The following ANKRD11 variants were observed in gnomAD, a reference collection of about 807,000 sequenced individuals.
The protein encoded by ANKRD11 is ankyrin repeat domain-containing protein 11.
A neutral mutation model predicts 195.7 loss-of-function variants in ANKRD11; 17 were observed. The observed-to-expected ratio is 0.09, with a 90% confidence interval of 0.06 to 0.13. The LOEUF (loss-of-function observed/expected upper bound fraction) is 0.13. Among genes scored for constraint, ANKRD11 ranks in the 10% least tolerant of loss-of-function variants. ANKRD11 has a pLI of 1.00. For missense variants in ANKRD11, 3,735 were observed against 3,566.1 expected, an observed-to-expected ratio of 1.05 and a Z score of -1.21; for synonymous variants, 1,953 against 1,528.1, an observed-to-expected ratio of 1.28 and a Z score of -6.49.
chr16:89,307,670 C>T (rs957327646), intron 3 of ANKRD11, among the ~76,000 whole-genome samples: 1 of 152,230 alleles, frequency 6.6e-6, no homozygotes, highest in African/African-American at 2.4e-5. Context: ...GCAGCTCCCC[C>T]GCCGCCTGGC....
intron 2 of ANKRD11, among the ~76,000 whole-genome samples, chr16:89,326,159 T>C (rs1421660147): frequency 2.6e-5 from 4 of 152,180 alleles, no homozygotes; most frequent in African/African-American, 9.7e-5. Flanking sequence ...AAAGGTACAA[T>C]TGCACAGCTA....
rs143240956 is a variant in ANKRD11, at chr16:89,282,717, G to T, written c.3825C>A (p.Asp1275Glu). 3.7e-6 allele frequency: 6 copies of T among 1,613,906 alleles called. No homozygotes were observed. The highest frequency in any genetic ancestry group is 3.3e-5 in the South Asian group (3 of 91,080). ...SKERKSSRSA[D>E]AEKSLLEKLE... ...ACTTTTCAAGCAGGCTTTTTTCCGC[G>T]TCGGCACTTCTCGAGGACTTCCTCT... Residue 1275 changes from aspartate to glutamate, a missense_variant, in exon 9 of 13, where the codon GAC becomes GAA. Coordinates refer to ENST00000301030, the MANE Select transcript of ANKRD11 (RefSeq NM_013275.6).
chr16:89,422,556 G>A (rs531867957), intron 1 of ANKRD11, among the ~76,000 whole-genome samples: 8 of 152,246 alleles, frequency 5.3e-5, no homozygotes, highest in Non-Finnish European at 1.0e-4. Context: ...GTAATAACAC[G>A]ATATTCGCGC....
At chr16:89,273,133 T>C (rs1567541357) in intron 11 of ANKRD11, 1 of 152,094 alleles carries the variant, frequency 6.6e-6, no homozygotes, top group Non-Finnish European at 1.5e-5. Flanking sequence ...AACTGCATTG[T>C]GTATTTTAAA....
Position 89,317,094 on chromosome 16 carries a change from C to T in ANKRD11, c.-59-16G>A, listed in dbSNP as rs1336578019. 3 of 1,472,436 alleles carry T rather than the reference C, an allele frequency of 2.0e-6. No homozygotes were observed. Among genetic ancestry groups the T allele is most frequent in the Admixed American group, 1.9e-5 (1 of 52,312 alleles). The allele number at this position is 1,472,436 out of a possible 1,614,324, so 91.2% of individuals were successfully genotyped here. ...CAACCGTCTGCTTCAAAAGAGAAGA[C>T]ACACAATTCACTGAATTCAGAGGCA... is the stretch of plus-strand genomic sequence containing the variant. On this transcript the variant is annotated splice_polypyrimidine_tract_variant and intron_variant, in intron 2 of 12. Transcript: ENST00000301030.
chr16:89,388,292 G>GTTTTTT (rs1567734637), intron 2 of ANKRD11, among the ~76,000 whole-genome samples: 1 of 61,050 alleles, frequency 1.6e-5, no homozygotes, highest in African/African-American at 5.0e-5. Context: ...CCATGAGGCT[G>GTTTTTT]ATTTTTTTTT....
At chr16:89,466,440 T>C (rs74037203) in intron 1 of ANKRD11, among the ~76,000 whole-genome samples, 4,106 of 152,180 alleles carry the variant, frequency 0.027, 187 homozygotes, top group African/African-American at 0.092. Context: ...ATAATGAATA[T>C]ACTAAAAATC....
chr16:89,338,103 G>A (rs1280003730), intron 2 of ANKRD11, among the ~76,000 whole-genome samples: 1 of 152,134 alleles, frequency 6.6e-6, no homozygotes, highest in Non-Finnish European at 1.5e-5. Flanking sequence ...CCCCACTATG[G>A]CCATCCCAGG....
intron 1 of ANKRD11, among the ~76,000 whole-genome samples, chr16:89,460,170 C>T (rs1044149597): frequency 6.6e-6 from 1 of 150,688 alleles, no homozygotes; most frequent in Non-Finnish European, 1.5e-5. Context: ...CCTGGGAGGC[C>T]GAGATTGCAG....
At chr16:89,322,805 C>A (rs1215224346) in intron 2 of ANKRD11, among the ~76,000 whole-genome samples, 1 of 152,266 alleles carries the variant, frequency 6.6e-6, no homozygotes. Context: ...CTGCAGCACA[C>A]GGCCATGCTC....
intron 2 of ANKRD11, among the ~76,000 whole-genome samples, chr16:89,381,390 G>A (rs1449972909): frequency 1.4e-5 from 2 of 143,178 alleles, no homozygotes. Context: ...CAGACTATTA[G>A]AAGCAAGACA....
intron 2 of ANKRD11, among the ~76,000 whole-genome samples, chr16:89,370,511 G>A (rs2040146689): frequency 6.6e-6 from 1 of 152,194 alleles, no homozygotes; most frequent in Non-Finnish European, 1.5e-5. Context: ...ACCAAGCAAA[G>A]AGAAGACCAG....
chr16:89,296,617 T>G (rs931642398), intron 4 of ANKRD11, among the ~76,000 whole-genome samples: 7 of 152,270 alleles, frequency 4.6e-5, no homozygotes, highest in African/African-American at 1.4e-4. Context: ...TGATGAATAC[T>G]GTGCATTTAA....
At chr16:89,289,324 G>C (rs2034872005) in intron 6 of ANKRD11, among the ~76,000 whole-genome samples, 1 of 152,194 alleles carries the variant, frequency 6.6e-6, no homozygotes, top group African/African-American at 2.4e-5. Flanking sequence ...GGGTCAGACA[G>C]CTATAAACCA....
rs1373098566 is a variant in ANKRD11, at chr16:89,282,026, C to T, written c.4516G>A (p.Asp1506Asn). Residue 1506 changes from aspartate (D) to asparagine (N), a missense_variant, in exon 9 of 13, where the codon GAC becomes AAC. Transcript: ENST00000301030. ...HRDEQKPATR[D>N]KDSPPRVLKD... ...AGCACGCGGGGCGGGCTGTCCTTGT[C>T]CCTGGTGGCGGGCTTCTGCTCGTCC... The T allele has an allele frequency of 6.2e-7, 1 of 1,613,592 alleles. No individual in the cohort carries two copies. Among genetic ancestry groups the T allele is most frequent in the South Asian group, 1.1e-5 (1 of 91,076 alleles).
chr16:89,275,863 C>A (rs1009229058), intron 9 of ANKRD11, among the ~76,000 whole-genome samples: 2 of 152,190 alleles, frequency 1.3e-5, no homozygotes, highest in African/African-American at 4.8e-5. Flanking sequence ...GATGAGGCCT[C>A]ACACTCTTGG....
intron 1 of ANKRD11, among the ~76,000 whole-genome samples, chr16:89,436,037 C>G (rs1231070438): frequency 2.6e-5 from 4 of 152,194 alleles, no homozygotes; most frequent in African/African-American, 9.7e-5. Context: ...GTCACACATT[C>G]TTCCAACAAT....
intron 7 of ANKRD11, chr16:89,286,560 G>C (rs2034661752): frequency 3.9e-6 from 3 of 777,900 alleles, no homozygotes; most frequent in Admixed American, 3.6e-5. Flanking sequence ...CTCCTCAGCA[G>C]AGTGGTGCCG....
At chr16:89,298,718 A>C (rs1028521139) in intron 4 of ANKRD11, 2 of 152,200 alleles carry the variant, frequency 1.3e-5, no homozygotes, top group African/African-American at 4.8e-5. Context: ...GTGTCAGGGA[A>C]GCCTTTGCTG....
Sources: gnomAD v4.1 joint callset for allele counts (sites outside exome capture counted in the v4.1 genomes callset) on GRCh38, gnomAD v4.1.1 for gene constraint, MANE v1.5 for transcripts, NCBI Gene and HGNC (gene_info 2026-07-23, HGNC 2026-07-21) for gene names.